Variants in FRMPD4 observed in about 807,000 individuals in gnomAD.
The protein encoded by FRMPD4 is FERM and PDZ domain containing 4.
In FRMPD4, 22 loss-of-function variants were observed where a neutral mutation model predicts 94.1. That is an observed-to-expected ratio of 0.23 (90% CI 0.17 to 0.33). FRMPD4 has a LOEUF of 0.33. FRMPD4 is among the 10% of genes least tolerant of loss of function. The pLI is 1.00. For synonymous variants in FRMPD4, 631 were observed against 548.6 expected (o/e 1.15, Z -2.10); for missense variants, 1,111 against 1,339.9 (o/e 0.83, Z 2.67).
At chrX:12,222,883 A>G (rs1601711938) in intron 1 of FRMPD4, among the ~76,000 whole-genome samples, 1 of 112,111 alleles carries the variant, frequency 8.9e-6, no homozygotes, top group East Asian at 2.8e-4. Context: ...TTGTTTATCC[A>G]TTCACCAGAT....
intron 1 of FRMPD4, among the ~76,000 whole-genome samples, chrX:12,406,781 T>G (rs745743702): frequency 8.9e-6 from 1 of 111,993 alleles, no homozygotes; most frequent in Non-Finnish European, 1.9e-5. Flanking sequence ...GTGGTGCAAA[T>G]AAGTAAAATA....
At chrX:11,952,981 A>T (rs772301913) in intron 3 of FRMPD4, among the ~76,000 whole-genome samples, 20 of 112,029 alleles carry the variant, frequency 1.8e-4, no homozygotes, top group Non-Finnish European at 3.4e-4. Flanking sequence ...TTGGAAATGC[A>T]CTGAGAAGAC....
Position 12,199,056 on chromosome X carries a change from A to G in FRMPD4, c.41+60044A>G, listed in dbSNP as rs768854738. On this transcript the variant is annotated intron_variant, in intron 1 of 16. Coordinates refer to ENST00000675598, the MANE Select transcript of FRMPD4 (RefSeq NM_001368397.1). The stretch of plus-strand genomic sequence containing the variant: ...ACATAATGGCTGTGCCTCCCTCCCT[A>G]TCAATCCTTATAGTCAGAAAATACA... 2.7e-5 allele frequency among the ~76,000 whole-genome samples: 3 copies of G among 111,224 alleles called. No homozygotes were observed. The South Asian group carries it at 1.1e-3, about 42-fold the overall frequency.
chrX:12,175,714 A>T (rs1457304456), intron 1 of FRMPD4, among the ~76,000 whole-genome samples: 2 of 111,531 alleles, frequency 1.8e-5, no homozygotes, highest in Non-Finnish European at 3.8e-5. Context: ...GGGTTTTGCC[A>T]TGTCGACCAG....
intron 3 of FRMPD4, among the ~76,000 whole-genome samples, chrX:12,125,625 T>C (rs1304838616): frequency 1.8e-5 from 2 of 111,210 alleles, no homozygotes; most frequent in African/African-American, 6.6e-5. Context: ...AGCTATGTTC[T>C]GGAAGGCATC....
At chrX:12,032,964 A>G (rs2054700377) in intron 3 of FRMPD4, among the ~76,000 whole-genome samples, 1 of 111,999 alleles carries the variant, frequency 8.9e-6, no homozygotes, top group South Asian at 3.7e-4. Flanking sequence ...AGGTTGAAAT[A>G]GTTGCTGAAA....
intron 1 of FRMPD4, among the ~76,000 whole-genome samples, chrX:12,494,633 G>A (rs1006648817): frequency 9.0e-6 from 1 of 111,590 alleles, no homozygotes; most frequent in African/African-American, 3.3e-5. Context: ...CTCCTAGGGC[G>A]AGCTGGCCAT....
At chrX:12,153,975 A>G (rs1289404155) in intron 1 of FRMPD4, among the ~76,000 whole-genome samples, 1 of 112,936 alleles carries the variant, frequency 8.9e-6, no homozygotes. Flanking sequence ...TATTGTCTAC[A>G]GTTAAAACAG....
At chrX:12,690,573 T>C (rs754347530) in intron 8 of FRMPD4, among the ~76,000 whole-genome samples, 71 of 112,431 alleles carry the variant, frequency 6.3e-4, no homozygotes, top group Admixed American at 3.0e-3. Flanking sequence ...CAGCTGCACA[T>C]TGAGAATACA....
At chrX:11,889,187 A>G (rs2053861390) in intron 3 of FRMPD4, among the ~76,000 whole-genome samples, 1 of 112,266 alleles carries the variant, frequency 8.9e-6, no homozygotes. Context: ...ATATAATGCA[A>G]GTTTCTTGGA....
At chrX:12,170,056 A>G (rs934309853) in intron 1 of FRMPD4, among the ~76,000 whole-genome samples, 1 of 111,973 alleles carries the variant, frequency 8.9e-6, no homozygotes, top group Non-Finnish European at 1.9e-5. Context: ...AGTGCCATGA[A>G]AAGTATAGAT....
rs189280759 is a variant in FRMPD4, at chrX:12,518,254, C to T, written c.158+19458C>T. Among the ~76,000 whole-genome samples, 497 of 111,984 alleles carry T rather than the reference C, an allele frequency of 4.4e-3. 4 individuals carry two copies. The highest frequency in any genetic ancestry group is 0.015 in the African/African-American group (467 of 30,806). On this transcript the variant is annotated intron_variant, in intron 2 of 16. Transcript: ENST00000675598. ...TCTTAGGCAGTCTCCAGCCGAGTGGCTGCTGAGAATCTGCACAGCTATGTG... is the reference window on the plus strand; with the variant it reads ...TCTTAGGCAGTCTCCAGCCGAGTGGTTGCTGAGAATCTGCACAGCTATGTG...
intron 1 of FRMPD4, among the ~76,000 whole-genome samples, chrX:12,408,071 G>A (rs1223396841): frequency 1.8e-5 from 2 of 108,265 alleles, no homozygotes; most frequent in East Asian, 2.9e-4. Context: ...ACTCACAAAC[G>A]GAAGCCATGT....
chrX:12,188,924 A>G (rs1465341202), intron 1 of FRMPD4, among the ~76,000 whole-genome samples: 1 of 112,118 alleles, frequency 8.9e-6, no homozygotes, highest in Non-Finnish European at 1.9e-5. Context: ...AAAGAAAATA[A>G]ATAATTACAA....
intron 1 of FRMPD4, chrX:12,374,851 A>G (rs965057234): frequency 2.7e-5 from 3 of 111,717 alleles, no homozygotes; most frequent in African/African-American, 9.8e-5. Flanking sequence ...CATCCCTAGC[A>G]TATCACTTAG....
chrX:12,667,068 C>T (rs2059787480), intron 4 of FRMPD4, among the ~76,000 whole-genome samples: 1 of 112,047 alleles, frequency 8.9e-6, no homozygotes, highest in African/African-American at 3.2e-5. Context: ...ACTTTATCGC[C>T]TTTCTTTCTA....
chrX:12,002,678 C>A (rs901793172), intron 3 of FRMPD4, among the ~76,000 whole-genome samples: 6 of 111,501 alleles, frequency 5.4e-5, no homozygotes, highest in African/African-American at 1.6e-4. Flanking sequence ...ATGAAGAAAC[C>A]CTGTTGGAAA....
At chrX:12,415,580 C>G (rs913872119) in intron 1 of FRMPD4, among the ~76,000 whole-genome samples, 3 of 111,792 alleles carry the variant, frequency 2.7e-5, no homozygotes, top group Non-Finnish European at 5.6e-5. Context: ...GATTGATTCA[C>G]AAGGCTCTCA....
intron 13 of FRMPD4, among the ~76,000 whole-genome samples, chrX:12,710,023 G>A (rs2041953639): frequency 9.0e-6 from 1 of 111,157 alleles, no homozygotes; most frequent in African/African-American, 3.3e-5. Flanking sequence ...AACTATTCCG[G>A]AGGCTGAGGC....
Sources: gnomAD v4.1 joint callset for allele counts (sites outside exome capture counted in the v4.1 genomes callset) on GRCh38, gnomAD v4.1.1 for gene constraint, MANE v1.5 for transcripts, NCBI Gene and HGNC (gene_info 2026-07-23, HGNC 2026-07-21) for gene names.